The following MGAT4C variants were observed in gnomAD, a reference collection of about 807,000 sequenced individuals.
MGAT4C encodes MGAT4 family member C, also known as alpha-1,3-mannosyl-glycoprotein 4-beta-N-acetylglucosaminyltransferase C.
Under a neutral mutation model 40.1 loss-of-function variants are expected in MGAT4C, and 19 were observed. The ratio of observed to expected loss-of-function variants is 0.47; its 90% CI spans 0.33 to 0.70. MGAT4C has a LOEUF of 0.70. Among genes scored for constraint, MGAT4C ranks in the 30% least tolerant of loss-of-function variants. The pLI is 0.02. For missense variants in MGAT4C, 491 were observed against 563.2 expected (o/e 0.87, Z 1.30); for synonymous variants, 181 against 187.1 (o/e 0.97, Z 0.27).
intron 2 of MGAT4C, among the ~76,000 whole-genome samples, chr12:86,590,541 C>A (rs1961286400): frequency 6.6e-6 from 1 of 151,978 alleles, no homozygotes; most frequent in Non-Finnish European, 1.5e-5. Context: ...CAAAACCCTG[C>A]CAGTAATCTT....
At chr12:86,637,215 G>A (rs1225000452) in intron 2 of MGAT4C, among the ~76,000 whole-genome samples, 1 of 151,916 alleles carries the variant, frequency 6.6e-6, no homozygotes, top group African/African-American at 2.4e-5. Context: ...CATTCCTACT[G>A]ATTATATATT....
chr12:86,524,663 T>G lies in MGAT4C; in HGVS notation c.-228-89398A>C, dbSNP rs929042059. ...ATGGATGATATCCTGAAGTATGCTATCCAAATTGCTTATACTCTCCCCTTC... is the reference window on the plus strand; with the variant it reads ...ATGGATGATATCCTGAAGTATGCTAGCCAAATTGCTTATACTCTCCCCTTC... On this transcript the variant is annotated intron_variant, in intron 2 of 7. Transcript: ENST00000548651. Among the ~76,000 whole-genome samples, 4 of 152,180 alleles carry G rather than the reference T, an allele frequency of 2.6e-5. No homozygotes were observed. In the East Asian group the frequency reaches 7.7e-4, roughly 29 times the overall value.
intron 2 of MGAT4C, among the ~76,000 whole-genome samples, chr12:86,513,177 T>A (rs1417307548): frequency 6.6e-6 from 1 of 152,148 alleles, no homozygotes; most frequent in African/African-American, 2.4e-5. Context: ...AACCAAGAAG[T>A]AAAACAGCAA....
chr12:86,067,821 G>A (rs1434465190), intron 1 of MGAT4C, among the ~76,000 whole-genome samples: 1 of 152,146 alleles, frequency 6.6e-6, no homozygotes, highest in Non-Finnish European at 1.5e-5. Context: ...GCATGTAGTA[G>A]ATTATGAATC....
chr12:86,772,734 C>T (rs117173149), intron 1 of MGAT4C, among the ~76,000 whole-genome samples: 3 of 152,138 alleles, frequency 2.0e-5, no homozygotes, highest in Admixed American at 1.3e-4. Flanking sequence ...TTTGGACTTG[C>T]TTGGAATGCA....
chr12:86,384,461 C>G (rs911750061), intron 3 of MGAT4C, among the ~76,000 whole-genome samples: 2 of 152,056 alleles, frequency 1.3e-5, no homozygotes, highest in African/African-American at 4.8e-5. Flanking sequence ...AGGATTGTGA[C>G]TTTGGGATTA....
chr12:86,074,370 A>ATAGT (rs1180118033), intron 1 of MGAT4C, among the ~76,000 whole-genome samples: 1 of 150,460 alleles, frequency 6.6e-6, no homozygotes, highest in African/African-American at 2.5e-5. Context: ...AGATAGATAG[A>ATAGT]TAGATATTCC....
At chr12:86,708,495 G>A (rs1424880603) in intron 2 of MGAT4C, among the ~76,000 whole-genome samples, 2 of 152,212 alleles carry the variant, frequency 1.3e-5, no homozygotes, top group Non-Finnish European at 2.9e-5. Flanking sequence ...GCACTGCCTA[G>A]TGTAGCTGTG....
chr12:86,616,551 T>C (rs1962455900), intron 2 of MGAT4C, among the ~76,000 whole-genome samples: 1 of 152,136 alleles, frequency 6.6e-6, no homozygotes, highest in Non-Finnish European at 1.5e-5. Context: ...GCAGAAAATG[T>C]ATCATGTCAG....
chr12:86,218,208 A>G (rs1335570378), intron 1 of MGAT4C, among the ~76,000 whole-genome samples: 2 of 152,090 alleles, frequency 1.3e-5, no homozygotes, highest in Non-Finnish European at 2.9e-5. Context: ...GTTAAATCCT[A>G]ATAGAAGAGC....
At chr12:86,717,353 G>T (rs960087240) in intron 2 of MGAT4C, among the ~76,000 whole-genome samples, 6 of 152,006 alleles carry the variant, frequency 3.9e-5, no homozygotes, top group African/African-American at 1.4e-4. Flanking sequence ...GAGAAAGCAA[G>T]AATTTTGTAT....
Position 86,039,031 on chromosome 12 carries a change from C to G in MGAT4C, c.-7+10643G>C, listed in dbSNP as rs1160791278. Among the ~76,000 whole-genome samples the G allele has an allele frequency of 1.3e-5, 2 of 148,740 alleles. 1 individual carries two copies. Among genetic ancestry groups the G allele is most frequent in the Non-Finnish European group, 3.0e-5 (2 of 66,094 alleles). On this transcript the variant is annotated intron_variant, in intron 2 of 4. Transcript: ENST00000611864. ...GATATAAAATTCTGTGTTGAACATT[C>G]TTTTCTTTAAGAATGTTGAATATTG...
At chr12:86,531,713 T>C (rs1958988085) in intron 2 of MGAT4C, among the ~76,000 whole-genome samples, 1 of 152,026 alleles carries the variant, frequency 6.6e-6, no homozygotes, top group South Asian at 2.1e-4. Context: ...TTATTTCATG[T>C]TTGCAGATTT....
chr12:86,832,881 T>A (rs1357580395), intron 1 of MGAT4C, among the ~76,000 whole-genome samples: 1 of 151,844 alleles, frequency 6.6e-6, no homozygotes, highest in Non-Finnish European at 1.5e-5. Flanking sequence ...AAACACATGT[T>A]TAGTAATAGT....
chr12:86,133,167 A>G (rs1881478607), intron 1 of MGAT4C, among the ~76,000 whole-genome samples: 1 of 152,256 alleles, frequency 6.6e-6, no homozygotes, highest in African/African-American at 2.4e-5. Context: ...ACTACCTATT[A>G]GAAAAATAAG....
At chr12:86,472,089 A>C (rs904855042) in intron 2 of MGAT4C, among the ~76,000 whole-genome samples, 1 of 152,162 alleles carries the variant, frequency 6.6e-6, no homozygotes, top group Non-Finnish European at 1.5e-5. Flanking sequence ...TCGTAAAGTT[A>C]AGTTAATGCT....
intron 1 of MGAT4C, among the ~76,000 whole-genome samples, chr12:86,755,586 T>G (rs1191749070): frequency 6.6e-6 from 1 of 151,842 alleles, no homozygotes; most frequent in African/African-American, 2.4e-5. Flanking sequence ...TTTTTTTCTT[T>G]TCTTTCTCTC....
intron 4 of MGAT4C, among the ~76,000 whole-genome samples, chr12:86,313,646 T>G (rs1348025229): frequency 6.6e-6 from 1 of 152,046 alleles, no homozygotes; most frequent in Non-Finnish European, 1.5e-5. Flanking sequence ...AAGAAACAAA[T>G]ATGCAATCAA....
intron 1 of MGAT4C, among the ~76,000 whole-genome samples, chr12:86,768,627 G>A (rs1001775896): frequency 1.3e-5 from 2 of 151,568 alleles, no homozygotes; most frequent in African/African-American, 2.4e-5. Context: ...ATACTACAAG[G>A]CTACAGTAAC....
Sources: allele counts gnomAD v4.1 joint callset (sites outside exome capture counted in the v4.1 genomes callset), GRCh38; gene constraint gnomAD v4.1.1; transcripts MANE v1.5; gene names NCBI Gene and HGNC (gene_info 2026-07-23, HGNC 2026-07-21).